The following CLEC18B variants were observed in gnomAD, a reference collection of about 807,000 sequenced individuals.
CLEC18B encodes the protein mannose receptor-like 2.
A neutral mutation model predicts 60.4 loss-of-function variants in CLEC18B; 5 were observed. That is an observed-to-expected ratio of 0.08 (90% CI 0.04 to 0.17). The LOEUF is 0.17. Ranked by LOEUF, CLEC18B falls within the 10% of genes least tolerant of loss-of-function variation. CLEC18B has a pLI of 1.00. For missense variants in CLEC18B, 26 were observed against 572.8 expected, an observed-to-expected ratio of 0.05 and a Z score of 9.74; for synonymous variants, 16 against 221.2, an observed-to-expected ratio of 0.07 and a Z score of 8.23.
chr16:74,413,309 G>A, intron 4 of CLEC18B, 151 bp from the exon 5 acceptor site: 1 of 1,432,246 alleles, frequency 7.0e-7, no homozygotes, highest in Non-Finnish European at 9.7e-7. Flanking sequence ...AGATTCCCTG[G>A]GAGAGAAGAG....
chr16:74,413,367 T>C (rs1293225827), intron 4 of CLEC18B, among the ~76,000 whole-genome samples: 3 of 152,288 alleles, frequency 2.0e-5, no homozygotes, highest in African/African-American at 7.2e-5. Context: ...CCAGGACCAG[T>C]ATCCAGGAAG....
upstream of CLEC18B, among the ~76,000 whole-genome samples, chr16:74,423,463 C>G (rs1157107000): frequency 6.6e-6 from 1 of 152,292 alleles, no homozygotes; most frequent in East Asian, 1.9e-4. Context: ...CCAAGGCAGG[C>G]GGATCACTTG....
rs2013672397 is a variant in CLEC18B at position 74,421,241 on chromosome 16, C to T, written c.30G>A (p.Arg10=). The change falls in exon 1 of 12, where the codon CGG becomes CGA. Residue 10 remains arginine (R), a synonymous_variant. Transcript: ENST00000682950. MLHPETSPG[R]GHLLAVLLAL... is the part of the protein sequence containing the mutation. ...CCAGGAGCACAGCCAGGAGATGCCC[C>T]CGGCCAGGGGAGGTCTCTGGATGCA... is the stretch of plus-strand genomic sequence containing the variant. 1 of 1,609,590 alleles carries T rather than the reference C, an allele frequency of 6.2e-7. No homozygotes were observed. The highest frequency in any genetic ancestry group is 1.3e-5 in the African/African-American group (1 of 74,108).
upstream of CLEC18B, among the ~76,000 whole-genome samples, chr16:74,423,734 A>C (rs2013755778): frequency 6.9e-6 from 1 of 144,566 alleles, no homozygotes; most frequent in Non-Finnish European, 1.5e-5. Flanking sequence ...CAGGAGAGCA[A>C]GGTTCATGGG....
At chr16:74,424,001 T>G (rs1474474184), upstream of CLEC18B, among the ~76,000 whole-genome samples, 1 of 152,232 alleles carries the variant, frequency 6.6e-6, no homozygotes, top group Non-Finnish European at 1.5e-5. Context: ...ATGGGCAGCC[T>G]CATTCTTGCA....
chr16:74,423,541 T>C (rs188757218), upstream of CLEC18B, among the ~76,000 whole-genome samples: 6,153 of 151,090 alleles, frequency 0.041, 54 homozygotes, highest in Middle Eastern at 0.062. Context: ...ATACAAAAAT[T>C]AGCTGGGCAG....
intron 2 of CLEC18B, among the ~76,000 whole-genome samples, chr16:74,418,901 C>A (rs879621531): frequency 4.3e-4 from 65 of 151,436 alleles, no homozygotes; most frequent in Admixed American, 1.7e-3. Flanking sequence ...TCAAGCAATT[C>A]TCCTGCCTCA....
chr16:74,413,424 C>A (rs1453934843), intron 4 of CLEC18B, among the ~76,000 whole-genome samples, 155 bp downstream of exon 4: 2 of 152,278 alleles, frequency 1.3e-5, no homozygotes, highest in African/African-American at 4.8e-5. Context: ...ATCTTTAGCA[C>A]CCTCTGCCTT....
chr16:74,420,235 G>C (rs1248710523), intron 2 of CLEC18B, among the ~76,000 whole-genome samples: 6 of 150,914 alleles, frequency 4.0e-5, no homozygotes, highest in African/African-American at 1.5e-4. Flanking sequence ...GTGGCAACAA[G>C]ATGCCAGGGA....
At chr16:74,412,947 G>C in intron 5 of CLEC18B, 67 bp from the exon 6 acceptor site, 2 of 1,612,174 alleles carry the variant, frequency 1.2e-6, no homozygotes, top group Non-Finnish European at 1.7e-6. Flanking sequence ...GGACCTCCCT[G>C]GGTGCTAAGG....
chr16:74,421,676 C>A (rs2013694273), upstream of CLEC18B: 1 of 394,192 alleles, frequency 2.5e-6, no homozygotes, highest in Non-Finnish European at 4.6e-6. Context: ...ATGGCCGTGT[C>A]CTGGCTGGGA....
intron 3 of CLEC18B, among the ~76,000 whole-genome samples, 197 bp from the exon 4 acceptor site, chr16:74,413,873 T>TTTATTTA (rs1359911866): frequency 3.9e-5 from 6 of 152,244 alleles, no homozygotes; most frequent in Non-Finnish European, 8.8e-5. Flanking sequence ...TATTTATTTA[T>TTTATTTA]TTATTTATTT....
intron 3 of CLEC18B, 128 bp downstream of exon 3, chr16:74,417,930 AG>A: frequency 7.5e-7 from 1 of 1,330,698 alleles, no homozygotes. Flanking sequence ...AAAAAAAAAA[AG>A]TAAAACTAAA....
intron 3 of CLEC18B, among the ~76,000 whole-genome samples, 160 bp downstream of exon 3, chr16:74,417,899 C>G (rs1352788677): frequency 1.2e-4 from 18 of 151,712 alleles, no homozygotes; most frequent in African/African-American, 4.3e-4. Flanking sequence ...GCCTGCGCAA[C>G]ACAGCAAGAC....
upstream of CLEC18B, among the ~76,000 whole-genome samples, chr16:74,422,733 C>T (rs2013730891): frequency 6.6e-6 from 1 of 152,076 alleles, no homozygotes; most frequent in Non-Finnish European, 1.5e-5. Flanking sequence ...GTTATAATCT[C>T]AGCTCACTGC....
upstream of CLEC18B, chr16:74,421,927 C>A (rs956022778): frequency 7.1e-6 from 1 of 140,180 alleles, no homozygotes; most frequent in Non-Finnish European, 1.5e-5. Flanking sequence ...CGCACCTGCA[C>A]GAGGAAAAGG....
intron 3 of CLEC18B, among the ~76,000 whole-genome samples, chr16:74,416,218 G>A (rs1258309343): frequency 6.8e-6 from 1 of 147,018 alleles, no homozygotes; most frequent in Non-Finnish European, 1.5e-5. Context: ...AGCCGAGATC[G>A]CACCACTGCA....
At chr16:74,411,159 C>T (rs2013133506) in intron 8 of CLEC18B, 125 bp from the exon 9 acceptor site, 1 of 1,356,846 alleles carries the variant, frequency 7.4e-7, no homozygotes, top group African/African-American at 1.5e-5. Flanking sequence ...CACCCCCAGC[C>T]CGCACAGCCT....
chr16:74,418,716 C>G (rs1460818966), intron 2 of CLEC18B, among the ~76,000 whole-genome samples: 129 of 151,406 alleles, frequency 8.5e-4, no homozygotes, highest in African/African-American at 2.9e-3. Flanking sequence ...ACAGCCACAC[C>G]TCTCTGCCCT....
Sources: gnomAD v4.1 joint callset for allele counts (sites outside exome capture counted in the v4.1 genomes callset) on GRCh38, gnomAD v4.1.1 for gene constraint, MANE v1.5 for transcripts, NCBI Gene and HGNC (gene_info 2026-07-23, HGNC 2026-07-21) for gene names.